Variants in ACER3 observed in about 807,000 individuals in gnomAD.
The protein encoded by ACER3 is alkaline ceramidase 3, also known as alkCDase 3.
A neutral mutation model predicts 48.9 loss-of-function variants in ACER3; 16 were observed. The ratio of observed to expected loss-of-function variants is 0.33; its 90% CI spans 0.22 to 0.50. ACER3 has a LOEUF of 0.50. Ranked by LOEUF, ACER3 falls within the 20% of genes least tolerant of loss-of-function variation. ACER3 has a pLI of 0.98. For missense variants in ACER3, 227 were observed against 326.0 expected (o/e 0.70, Z 2.34); for synonymous variants, 109 against 107.8 (o/e 1.01, Z -0.07).
chr11:76,873,134 G>A (rs1323769857), intron 1 of ACER3, among the ~76,000 whole-genome samples: 4 of 151,662 alleles, frequency 2.6e-5, no homozygotes, highest in Admixed American at 2.6e-4. Flanking sequence ...TGCCCAGGCT[G>A]GTCTCGAACT....
chr11:76,945,882 A>C (rs1947459377), intron 2 of ACER3, among the ~76,000 whole-genome samples: 1 of 152,234 alleles, frequency 6.6e-6, no homozygotes, highest in Non-Finnish European at 1.5e-5. Context: ...TCAGTCCCAC[A>C]GCTGCCTGAA....
Position 76,861,031 on chromosome 11 carries a change from G to A in ACER3, c.55G>A (p.Asp19Asn). The A allele has an allele frequency of 6.5e-7, 1 of 1,548,450 alleles. No homozygotes were observed. Among genetic ancestry groups the A allele is most frequent in the Non-Finnish European group, 8.7e-7 (1 of 1,146,562 alleles). The change falls in exon 1 of 11, where the codon GAC becomes AAC. Residue 19 changes from aspartate (D) to asparagine (N), a missense_variant. Asp to Asn is a conservative substitution (Grantham distance 23). Transcript: ENST00000532485. Reference protein sequence around the residue: ...GYWGPTTSTLDWCEENYSVTW... With the variant: ...GYWGPTTSTLNWCEENYSVTW... ...CTGGGGCCCCACGACCTCCACGCTG[G>A]ACTGGTGCGAGGAGAACTACTCCGT... is the stretch of plus-strand genomic sequence containing the variant.
At chr11:76,896,289 C>A (rs933469651) in intron 1 of ACER3, among the ~76,000 whole-genome samples, 7 of 152,134 alleles carry the variant, frequency 4.6e-5, no homozygotes, top group African/African-American at 1.4e-4. Context: ...GCCCATGCTT[C>A]CAGAGTTGCA....
intron 1 of ACER3, among the ~76,000 whole-genome samples, chr11:76,900,994 T>C (rs1383342070): frequency 6.6e-6 from 1 of 152,206 alleles, no homozygotes; most frequent in Non-Finnish European, 1.5e-5. Context: ...ATCTATTGTT[T>C]TGGGGCTTGA....
chr11:76,970,687 A>G (rs1306229944), intron 3 of ACER3, among the ~76,000 whole-genome samples: 2 of 152,070 alleles, frequency 1.3e-5, no homozygotes, highest in Non-Finnish European at 2.9e-5. Context: ...GTTTTTTTTT[A>G]AAGTATAACT....
intron 1 of ACER3, among the ~76,000 whole-genome samples, chr11:76,911,980 C>T (rs1243811112): frequency 6.6e-6 from 1 of 152,110 alleles, no homozygotes; most frequent in Admixed American, 6.6e-5. Context: ...GGAATTCATC[C>T]TGTGAACTTA....
chr11:76,992,755 A>G (rs1269689862), intron 6 of ACER3, among the ~76,000 whole-genome samples: 4 of 152,230 alleles, frequency 2.6e-5, no homozygotes, highest in African/African-American at 9.6e-5. Context: ...TTTATGATCT[A>G]CATACAGTCA....
chr11:76,873,077 AT>A (rs1245294404), intron 1 of ACER3, among the ~76,000 whole-genome samples: 3 of 151,228 alleles, frequency 2.0e-5, no homozygotes, highest in Admixed American at 1.3e-4. Flanking sequence ...ATACCTGGTG[AT>A]TTTTTTATTT....
rs183154618 is a variant in ACER3, at chr11:76,951,292, T to C, written c.215-7687T>C. ...CTCTTTTACTTTTGTGTCTTGCTGA[T>C]TTTTATAACTAGAAGGGTTTTTTTT... On this transcript the variant is annotated intron_variant, in intron 2 of 10. Coordinates refer to ENST00000532485, the MANE Select transcript of ACER3 (RefSeq NM_018367.7). Among the ~76,000 whole-genome samples the C allele has an allele frequency of 2.0e-5, 3 of 152,348 alleles. No homozygotes were observed. In the East Asian group the frequency reaches 5.8e-4, roughly 29 times the overall value.
intron 1 of ACER3, among the ~76,000 whole-genome samples, chr11:76,923,166 C>T (rs930640560): frequency 6.6e-6 from 1 of 151,340 alleles, no homozygotes; most frequent in Admixed American, 6.6e-5. Flanking sequence ...AAAAACAAAC[C>T]CAGCTTGATT....
chr11:76,880,203 C>T (rs963705), intron 1 of ACER3, among the ~76,000 whole-genome samples: 90,683 of 152,026 alleles, frequency 0.6, 29,394 homozygotes, highest in Non-Finnish European at 0.74. Context: ...TTTTATTTAA[C>T]GTATTCCTTT....
rs187049771 is a variant in ACER3 at position 76,996,872 on chromosome 11, T to A, written c.439-1891T>A. ...TCCCCTGTAGCTGGGATTACAAGCATCTGCCACCACACCTGGCTAATTTTT... is the reference window on the plus strand; with the variant it reads ...TCCCCTGTAGCTGGGATTACAAGCAACTGCCACCACACCTGGCTAATTTTT... On this transcript the variant is annotated intron_variant, in intron 6 of 10. Transcript: ENST00000532485. 7.5e-3 allele frequency among the ~76,000 whole-genome samples: 1,136 copies of A among 151,906 alleles called. 8 individuals are homozygous for A. Among genetic ancestry groups the A allele is most frequent in the African/African-American group, 0.026 (1,069 of 41,428 alleles).
At chr11:77,011,897 AC>A (rs1393469709) in intron 7 of ACER3, among the ~76,000 whole-genome samples, 6 of 152,038 alleles carry the variant, frequency 3.9e-5, no homozygotes, top group African/African-American at 1.4e-4. Context: ...ACAAAACAAA[AC>A]CCTTTACAAA....
At chr11:76,967,641 G>C (rs1379042660) in intron 3 of ACER3, among the ~76,000 whole-genome samples, 1 of 150,008 alleles carries the variant, frequency 6.7e-6, no homozygotes, top group Non-Finnish European at 1.5e-5. Flanking sequence ...TTCAACATAG[G>C]CAAATCAATA....
chr11:77,002,853 A>G (rs542412579), intron 7 of ACER3, among the ~76,000 whole-genome samples: 17 of 152,344 alleles, frequency 1.1e-4, no homozygotes, highest in African/African-American at 3.8e-4. Flanking sequence ...ACAAGAGGAC[A>G]AATACTACGA....
intron 1 of ACER3, among the ~76,000 whole-genome samples, chr11:76,914,189 T>C (rs1946461973): frequency 1.3e-5 from 2 of 152,106 alleles, no homozygotes; most frequent in Admixed American, 6.5e-5. Flanking sequence ...AAAGCCAAAA[T>C]TGACAAATGA....
intron 7 of ACER3, among the ~76,000 whole-genome samples, chr11:77,008,841 A>C (rs936317526): frequency 2.0e-5 from 3 of 152,114 alleles, no homozygotes; most frequent in Admixed American, 6.6e-5. Context: ...GGATTACTTG[A>C]GCCCAGGAGT....
intron 1 of ACER3, among the ~76,000 whole-genome samples, chr11:76,865,080 C>G (rs749149416): frequency 1.3e-5 from 2 of 151,400 alleles, no homozygotes; most frequent in Non-Finnish European, 2.9e-5. Flanking sequence ...CTCAAGTGAT[C>G]CTGCCACCTC....
At chr11:77,019,182 C>T (rs1468983590) in intron 9 of ACER3, among the ~76,000 whole-genome samples, 2 of 152,136 alleles carry the variant, frequency 1.3e-5, no homozygotes, top group Non-Finnish European at 2.9e-5. Flanking sequence ...TAAATGTGGC[C>T]GGGCGCGGTG....
Sources: allele counts gnomAD v4.1 joint callset (sites outside exome capture counted in the v4.1 genomes callset), GRCh38; gene constraint gnomAD v4.1.1; transcripts MANE v1.5; gene names NCBI Gene and HGNC (gene_info 2026-07-23, HGNC 2026-07-21).